Variants in SLC5A2 observed in about 807,000 individuals in gnomAD.
SLC5A2 encodes solute carrier family 5 member 2.
A neutral mutation model predicts 69.0 loss-of-function variants in SLC5A2; 67 were observed. That is an observed-to-expected ratio of 0.97 (90% confidence interval 0.80 to 1.19). SLC5A2 has a LOEUF of 1.19. Ranked by LOEUF, SLC5A2 falls within the 50% of genes most tolerant of loss-of-function variation. The pLI, the probability that SLC5A2 is intolerant of heterozygous loss-of-function variation, is 0.00. For missense variants in SLC5A2, 1,001 were observed against 921.5 expected (o/e 1.09, Z -1.12); for synonymous variants, 455 against 395.8 (o/e 1.15, Z -1.78).
intron 12 of SLC5A2, 74 bp downstream of exon 12, chr16:31,489,412 G>A (rs763534450): frequency 2.9e-6 from 4 of 1,361,806 alleles, no homozygotes; most frequent in Non-Finnish European, 3.1e-6. Context: ...GTGCCCAGCT[G>A]GGAGGACCTG....
Position 31,483,257 on chromosome 16 carries a change from T to C in SLC5A2, c.121T>C (p.Leu41=), listed in dbSNP as rs760378906. Residue 41 remains leucine (L), a synonymous_variant, in exon 1 of 14, where the codon TTG becomes CTG. Coordinates refer to ENST00000330498, the MANE Select transcript of SLC5A2 (RefSeq NM_003041.4). ...AYFLLVIGVG[L]WSMCRTNRGT... ...TTTCCTGCTGGTCATTGGCGTTGGCTTGTGGGTGAGAAGTTGGGGGGTGTG... is the reference window on the plus strand; with the variant it reads ...TTTCCTGCTGGTCATTGGCGTTGGCCTGTGGGTGAGAAGTTGGGGGGTGTG... 1.2e-6 allele frequency: 2 copies of C among 1,613,362 alleles called. No individual in the cohort carries two copies. Among genetic ancestry groups the C allele is most frequent in the Non-Finnish European group, 1.7e-6 (2 of 1,179,694 alleles).
Position 31,484,722 on chromosome 16 carries a change from G to A in SLC5A2, c.176G>A (p.Gly59Glu). 1.2e-6 allele frequency: 2 copies of A among 1,610,076 alleles called. No homozygotes were observed. The highest frequency in any genetic ancestry group is 2.2e-5 in the South Asian group (2 of 91,086). The change falls in exon 2 of 14, where the codon GGA (glycine) becomes GAA (glutamate). Residue 59 changes from glycine (G) to glutamate (E), a missense_variant. By Grantham distance (98) the Gly-to-Glu change is moderately conservative (BLOSUM62 -2). Transcript: ENST00000330498. Reference sequence around the variant, plus strand: ...ACTGTGGGCGGCTACTTCCTGGCAGGACGCAGCATGGTGTGGTGGCCGGTG... The same window carrying A: ...ACTGTGGGCGGCTACTTCCTGGCAGAACGCAGCATGGTGTGGTGGCCGGTG... ...RGTVGGYFLAGRSMVWWPVGA... is the reference protein window; with the variant it reads ...RGTVGGYFLAERSMVWWPVGA...
intron 3 of SLC5A2, chr16:31,485,496 G>A (rs1382906839): frequency 5.0e-6 from 3 of 595,168 alleles, no homozygotes; most frequent in African/African-American, 1.9e-5. Context: ...TGGGAAAAAC[G>A]GGCCAGAAGT....
Position 31,488,981 on chromosome 16 carries a change from G to C in SLC5A2, c.1382G>C (p.Ser461Thr). Residue 461 changes from serine (S) to threonine (T), a missense_variant, in exon 11 of 14, where the codon AGC (serine) becomes ACC (threonine). Physicochemically the swap from Ser to Thr is moderately conservative, Grantham distance 58. Coordinates refer to ENST00000330498, the MANE Select transcript of SLC5A2 (RefSeq NM_003041.4). ...TTCGATTACATCCAGGCAGTCTCTA[G>C]CTACCTGGCACCGCCCGTGTCCGCC... The part of the protein sequence containing the change: ...QLFDYIQAVS[S>T]YLAPPVSAVF... The C allele has an allele frequency of 1.9e-6, 3 of 1,601,526 alleles. No homozygotes were observed. Among genetic ancestry groups the C allele is most frequent in the Non-Finnish European group, 2.5e-6 (3 of 1,179,864 alleles).
chr16:31,483,236 C>T lies in SLC5A2; in HGVS notation c.100C>T (p.Leu34=). The change falls in exon 1 of 14, where the codon CTG becomes TTG. Residue 34 remains leucine (L), a synonymous_variant. Coordinates refer to ENST00000330498, the MANE Select transcript of SLC5A2 (RefSeq NM_003041.4). The part of the protein sequence containing the change: ...ADILVIAAYF[L]LVIGVGLWSM... The stretch of plus-strand genomic sequence containing the variant: ...CATCCTAGTCATTGCTGCATATTTC[C>T]TGCTGGTCATTGGCGTTGGCTTGTG... 1 of 1,614,016 alleles carries T rather than the reference C, an allele frequency of 6.2e-7. No individual in the cohort carries two copies. The highest frequency in any genetic ancestry group is 1.1e-5 in the South Asian group (1 of 91,078).
intron 6 of SLC5A2, 55 bp from the exon 7 acceptor site, chr16:31,487,475 C>G: frequency 6.2e-7 from 1 of 1,609,762 alleles, no homozygotes; most frequent in Non-Finnish European, 8.5e-7. Flanking sequence ...GGGGCCGTTG[C>G]GCGTCTCCGG....
At chr16:31,487,887 G>C in intron 7 of SLC5A2, 128 bp downstream of exon 7, 6 of 1,414,174 alleles carry the variant, frequency 4.2e-6, no homozygotes, top group Non-Finnish European at 5.8e-6. Flanking sequence ...CCTCGGGTTG[G>C]TGCTAAACCA....
In SLC5A2 at chr16:31,484,805, C is replaced by T. The variant is rs1187814949; in HGVS notation, c.199-14C>T. The T allele has an allele frequency of 6.2e-7, 1 of 1,612,622 alleles. No individual in the cohort carries two copies. The highest frequency in any genetic ancestry group is 1.7e-5 in the Admixed American group (1 of 60,036). ...GAGAAGCAGCCCTGCTCACTCCCTC[C>T]TCTGGCCACCCAGGTTGGGGCCTCT... On this transcript the variant is annotated splice_polypyrimidine_tract_variant and intron_variant, in intron 2 of 13. Coordinates refer to ENST00000330498, the MANE Select transcript of SLC5A2 (RefSeq NM_003041.4).
intron 7 of SLC5A2, 53 bp downstream of exon 7, chr16:31,487,812 C>A (rs1238819988): frequency 6.5e-6 from 10 of 1,530,254 alleles, no homozygotes; most frequent in African/African-American, 1.4e-5. Flanking sequence ...CCGAGACGGG[C>A]GGAGCCTGAG....
intron 1 of SLC5A2, among the ~76,000 whole-genome samples, chr16:31,484,250 A>G (rs1246157669): frequency 6.6e-6 from 1 of 150,488 alleles, no homozygotes; most frequent in Non-Finnish European, 1.5e-5. Flanking sequence ...ACACACACAC[A>G]CACACACGCA....
At position 31,490,627 on chromosome 16, in the gene SLC5A2, G is replaced by C; in HGVS notation, c.*92G>C. On this transcript the variant is annotated 3_prime_UTR_variant, in exon 14 of 14. Transcript: ENST00000330498. ...TCCCCAGAAAAGGGGAAGGGGCAGT[G>C]GGGTGAGAAGGTCCTGGCTCCCCTT... The C allele has an allele frequency of 7.6e-6, 9 of 1,186,866 alleles. No homozygotes were observed. Among genetic ancestry groups the C allele is most frequent in the Non-Finnish European group, 9.8e-6 (8 of 816,654 alleles). 73.5% of individuals were successfully genotyped at this position (1,186,866 alleles called of 1,614,324 possible).
intron 7 of SLC5A2, 86 bp from the exon 8 acceptor site, chr16:31,487,952 C>T (rs2082512343): frequency 1.3e-6 from 2 of 1,581,836 alleles, no homozygotes; most frequent in Non-Finnish European, 1.7e-6. Context: ...CACTCACGAG[C>T]CAGAGGCGGG....
At position 31,487,555 on chromosome 16, in the gene SLC5A2, G is replaced by T; in HGVS notation, c.681G>T (p.Ser227=). ...GYAFHEVGGY[S]GLFDKYLGAA... Reference sequence around the variant, plus strand: ...CCTTCCACGAGGTGGGCGGGTATTCGGGTCTCTTCGACAAATACCTGGGAG... The same window carrying T: ...CCTTCCACGAGGTGGGCGGGTATTCTGGTCTCTTCGACAAATACCTGGGAG... Residue 227 remains serine (S), a synonymous_variant, in exon 7 of 14, where the codon TCG becomes TCT. Coordinates refer to ENST00000330498, the MANE Select transcript of SLC5A2 (RefSeq NM_003041.4). 2.5e-6 allele frequency: 4 copies of T among 1,613,842 alleles called. No homozygotes were observed. The highest frequency in any genetic ancestry group is 3.4e-6 in the Non-Finnish European group (4 of 1,179,994).
At position 31,484,814 on chromosome 16, in the gene SLC5A2, C is replaced by T. The variant is rs1177178215; in HGVS notation, c.199-5C>T. 6.2e-6 allele frequency: 10 copies of T among 1,612,844 alleles called. No individual in the cohort carries two copies. The South Asian group carries it at 6.6e-5, about 11-fold the overall frequency. On this transcript the variant is annotated splice_polypyrimidine_tract_variant and splice_region_variant and intron_variant, in intron 2 of 13. Transcript: ENST00000330498. ...CCCTGCTCACTCCCTCCTCTGGCCACCCAGGTTGGGGCCTCTCTCTTCGCC... is the reference window on the plus strand; with the variant it reads ...CCCTGCTCACTCCCTCCTCTGGCCATCCAGGTTGGGGCCTCTCTCTTCGCC...
At position 31,489,338 on chromosome 16, in the gene SLC5A2, C is replaced by A; in HGVS notation, c.1665C>A (p.His555Gln). ...SLCTAPIPRK[H>Q]LHRLVFSLRH... The stretch of plus-strand genomic sequence containing the variant: ...GCACCGCGCCCATCCCCAGAAAGCA[C>A]GTGAGTGGCCAGGTGCCCCAGGCAA... Residue 555 changes from histidine (H) to glutamine (Q), a missense_variant and splice_region_variant, in exon 12 of 14, where the codon CAC becomes CAA. By Grantham distance (24) the His-to-Gln change is conservative. Transcript: ENST00000330498. 6 of 1,606,954 alleles carry A rather than the reference C, an allele frequency of 3.7e-6. No individual in the cohort carries two copies. The highest frequency in any genetic ancestry group is 5.1e-6 in the Non-Finnish European group (6 of 1,179,784).
chr16:31,488,351 G>A (rs1284971863), intron 8 of SLC5A2, 32 bp from the exon 9 acceptor site: 2 of 1,608,198 alleles, frequency 1.2e-6, no homozygotes, highest in Non-Finnish European at 1.7e-6. Flanking sequence ...ACCAGGCCCC[G>A]TCCTAACGGC....
intron 5 of SLC5A2, among the ~76,000 whole-genome samples, chr16:31,486,571 G>A (rs908992460): frequency 2.0e-5 from 3 of 152,152 alleles, no homozygotes; most frequent in African/African-American, 7.2e-5. Context: ...CACACCTGAC[G>A]AGTCTCCAAG....
chr16:31,488,701 G>T lies in SLC5A2; in HGVS notation c.1209G>T (p.Thr403=), dbSNP rs768873458. ...SLASIFNSSS[T]LFTMDIYTRL... ...CCTCCATCTTCAACAGCAGCAGCAC[G>T]CTCTTCACCATGGACATCTACACGC... The change falls in exon 10 of 14, where the codon ACG becomes ACT. Residue 403 remains threonine (T), a synonymous_variant. Coordinates refer to ENST00000330498, the MANE Select transcript of SLC5A2 (RefSeq NM_003041.4). 3.7e-5 allele frequency: 60 copies of T among 1,611,982 alleles called. No homozygotes were observed. In the African/African-American group the frequency reaches 7.5e-4, roughly 20 times the overall value.
chr16:31,489,367 C>T, intron 12 of SLC5A2, 29 bp downstream of exon 12: 1 of 1,585,222 alleles, frequency 6.3e-7, no homozygotes, highest in Non-Finnish European at 8.6e-7. Context: ...CAGGCAAGCA[C>T]TGTGGGACAC....
Sources: gnomAD v4.1 joint callset for allele counts (sites outside exome capture counted in the v4.1 genomes callset) on GRCh38, gnomAD v4.1.1 for gene constraint, MANE v1.5 for transcripts, NCBI Gene and HGNC (gene_info 2026-07-23, HGNC 2026-07-21) for gene names.